The following BCAS3 variants were observed in gnomAD, a reference collection of about 807,000 sequenced individuals.
BCAS3 encodes BCAS4/BCAS3 fusion.
In BCAS3, 53 loss-of-function variants were observed where a neutral mutation model predicts 116.1. The observed-to-expected ratio is 0.46, with a 90% CI of 0.37 to 0.57. The LOEUF (loss-of-function observed/expected upper bound fraction) is 0.57, where lower values mean the gene tolerates loss of function less well. BCAS3 is among the 20% of genes least tolerant of loss of function. BCAS3 has a pLI of 0.00. For missense variants in BCAS3, 917 were observed against 1,165.4 expected (o/e 0.79, Z 3.10); for synonymous variants, 391 against 408.2 (o/e 0.96, Z 0.51).
At chr17:61,268,926 G>A (rs2049995242) in intron 22 of BCAS3, among the ~76,000 whole-genome samples, 1 of 151,992 alleles carries the variant, frequency 6.6e-6, no homozygotes, top group African/African-American at 2.4e-5. Flanking sequence ...CCATGTTGTA[G>A]CATATGGCAG....
chr17:61,047,657 A>G (rs1413853847), intron 19 of BCAS3, among the ~76,000 whole-genome samples: 1 of 152,006 alleles, frequency 6.6e-6, no homozygotes, highest in Non-Finnish European at 1.5e-5. Context: ...CTTTGCCAAA[A>G]ACAAAGATAA....
rs2082258690 is a variant in BCAS3, at chr17:61,224,172, G to A, written c.2425+139608G>A. ...TTATTATTTTCCCATTGATTTATAA[G>A]AGAAATCTTTAAGCATCTATCATGT... On this transcript the variant is annotated intron_variant, in intron 22 of 23. Transcript: ENST00000407086. This position sits in a 1 kb window ranked among gnomAD's most constrained non-coding sequence, Gnocchi z 5.7. Among the ~76,000 whole-genome samples, 1 of 152,144 alleles carries A rather than the reference G, an allele frequency of 6.6e-6. No individual in the cohort carries two copies. Among genetic ancestry groups the A allele is most frequent in the Non-Finnish European group, 1.5e-5 (1 of 68,034 alleles).
chr17:61,002,477 T>TTTTCTAAG (rs2064314239), intron 15 of BCAS3: 2 of 134,510 alleles, frequency 1.5e-5, no homozygotes, highest in African/African-American at 7.9e-5. Flanking sequence ...TATTTTCTCA[T>TTTTCTAAG]TGTAATCAAG....
intron 13 of BCAS3, among the ~76,000 whole-genome samples, chr17:60,934,191 C>T (rs1263159594): frequency 6.6e-6 from 1 of 152,000 alleles, no homozygotes; most frequent in Non-Finnish European, 1.5e-5. Context: ...AAGGAGAGTG[C>T]CCATGAAGAC....
At position 61,380,902 on chromosome 17, in the gene BCAS3, C is replaced by T. The variant is rs1292262522; in HGVS notation, c.2594-11075C>T. ...ACCATTGACTGCCCCTCTTGTAGTG[C>T]GTCTATTAGTGAGTAATTTGATTTG... On this transcript the variant is annotated intron_variant, in intron 23 of 23. Coordinates refer to ENST00000407086, the MANE Select transcript of BCAS3 (RefSeq NM_017679.5). The surrounding 1 kb of genome is among the most constrained non-coding windows in gnomAD (Gnocchi z 4.2). Among the ~76,000 whole-genome samples, 1 of 152,226 alleles carries T rather than the reference C, an allele frequency of 6.6e-6. No individual in the cohort carries two copies. Among genetic ancestry groups the T allele is most frequent in the African/African-American group, 2.4e-5 (1 of 41,452 alleles).
chr17:60,774,436 T>A (rs1030775686), intron 6 of BCAS3, among the ~76,000 whole-genome samples: 11 of 152,220 alleles, frequency 7.2e-5, no homozygotes, highest in Admixed American at 7.2e-4. Flanking sequence ...TTCTGTTGAT[T>A]GATTTTTCTC....
chr17:61,236,483 C>T (rs924969116), intron 22 of BCAS3, among the ~76,000 whole-genome samples: 35 of 152,218 alleles, frequency 2.3e-4, no homozygotes, highest in Admixed American at 7.8e-4. Context: ...CCATGCCTGG[C>T]TAATTTTTTT....
chr17:61,028,551 G>A lies in BCAS3; in HGVS notation c.1638-6115G>A, dbSNP rs911523243. Among the ~76,000 whole-genome samples, 2 of 151,856 alleles carry A rather than the reference G, an allele frequency of 1.3e-5. No homozygotes were observed. The highest frequency in any genetic ancestry group is 1.3e-4 in the Admixed American group (2 of 15,212). ...TCTAAGTACAAAGCAAAGAGTTGTA[G>A]TATGTTAATAAAGATTGAAGTTTTG... On this transcript the variant is annotated intron_variant, in intron 16 of 23. Coordinates refer to ENST00000407086, the MANE Select transcript of BCAS3 (RefSeq NM_017679.5). The surrounding 1 kb of genome is among the most constrained non-coding windows in gnomAD (Gnocchi z 4.3).
intron 2 of BCAS3, among the ~76,000 whole-genome samples, chr17:60,682,547 G>C (rs1405464675): frequency 6.6e-6 from 1 of 152,062 alleles, no homozygotes; most frequent in Non-Finnish European, 1.5e-5. Flanking sequence ...TTTTGAGACA[G>C]AGTCTTGCTT....
Position 61,286,519 on chromosome 17 carries a change from G to A in BCAS3, c.2426-81808G>A, listed in dbSNP as rs117798644. Among the ~76,000 whole-genome samples, 1,335 of 152,252 alleles carry A rather than the reference G, an allele frequency of 8.8e-3. 15 individuals are homozygous for A. The highest frequency in any genetic ancestry group is 0.016 in the South Asian group (78 of 4,816). On this transcript the variant is annotated intron_variant, in intron 22 of 23. Coordinates refer to ENST00000407086, the MANE Select transcript of BCAS3 (RefSeq NM_017679.5). This position sits in a 1 kb window ranked among gnomAD's most constrained non-coding sequence, Gnocchi z 4.8. Reference sequence around the variant, plus strand: ...GAAGGGTTTCTCCAGATTTTCTCACGTTAGCATGCTGCTGCTTGGTGCACG... The same window carrying A: ...GAAGGGTTTCTCCAGATTTTCTCACATTAGCATGCTGCTGCTTGGTGCACG...
chr17:60,943,531 C>G (rs554953596), intron 13 of BCAS3, among the ~76,000 whole-genome samples: 2 of 152,050 alleles, frequency 1.3e-5, no homozygotes, highest in Non-Finnish European at 2.9e-5. Context: ...TTCATACAAT[C>G]CTAAATGTGT....
chr17:60,810,518 A>G, intron 7 of BCAS3: 1 of 823,484 alleles, frequency 1.2e-6, no homozygotes, highest in East Asian at 2.6e-5. Context: ...CACCTGGAGA[A>G]GAAGGGACCC....
chr17:61,209,544 G>T (rs1601921045), intron 22 of BCAS3, among the ~76,000 whole-genome samples: 1 of 152,206 alleles, frequency 6.6e-6, no homozygotes, highest in African/African-American at 2.4e-5. Flanking sequence ...TATCCGAAAT[G>T]TCAAGGGCAG....
rs2059398268 is a variant in BCAS3, at chr17:60,927,062, G to C, written c.1087+2562G>C. Among the ~76,000 whole-genome samples the C allele has an allele frequency of 2.0e-5, 3 of 152,064 alleles. 1 individual carries two copies. Among genetic ancestry groups the C allele is most frequent in the Admixed American group, 1.3e-4 (2 of 15,256 alleles). On this transcript the variant is annotated intron_variant, in intron 13 of 23. Coordinates refer to ENST00000407086, the MANE Select transcript of BCAS3 (RefSeq NM_017679.5). ...AAGAGATCAGATGTCATTAATCTTT[G>C]TATCTCTAGTGCTTGGCATGGTGTC... is the stretch of plus-strand genomic sequence containing the variant.
intron 2 of BCAS3, among the ~76,000 whole-genome samples, chr17:60,683,781 G>A (rs977994588): frequency 1.3e-5 from 2 of 151,528 alleles, no homozygotes; most frequent in Non-Finnish European, 2.9e-5. Flanking sequence ...GCAGTGAGCC[G>A]AGATCGCACC....
chr17:60,943,895 C>T (rs1415591775), intron 13 of BCAS3, among the ~76,000 whole-genome samples: 2 of 151,954 alleles, frequency 1.3e-5, no homozygotes, highest in African/African-American at 4.8e-5. Context: ...AAATAACCCA[C>T]GAGCAAAAGA....
chr17:61,192,909 A>C (rs2080234385), intron 22 of BCAS3, among the ~76,000 whole-genome samples: 1 of 152,274 alleles, frequency 6.6e-6, no homozygotes, highest in African/African-American at 2.4e-5. Flanking sequence ...TGGCAATTAA[A>C]GCATATTCAA....
At chr17:61,011,956 T>C (rs562192010) in intron 15 of BCAS3, among the ~76,000 whole-genome samples, 26 of 152,164 alleles carry the variant, frequency 1.7e-4, no homozygotes, top group Admixed American at 1.6e-3. Flanking sequence ...TCTGATGTTA[T>C]TTATACATTT....
At chr17:60,726,106 G>A (rs1316693013) in intron 5 of BCAS3, among the ~76,000 whole-genome samples, 1 of 150,352 alleles carries the variant, frequency 6.7e-6, no homozygotes, top group Admixed American at 6.7e-5. Context: ...TGTTGGTCAG[G>A]CTGGTCTCGA....
Sources: gnomAD v4.1 joint callset for allele counts (sites outside exome capture counted in the v4.1 genomes callset) on GRCh38, gnomAD v4.1.1 for gene constraint, Gnocchi (gnomAD v3.1) non-coding constraint, MANE v1.5 for transcripts, NCBI Gene and HGNC (gene_info 2026-07-23, HGNC 2026-07-21) for gene names.